SOX6: variants seen among roughly 807,000 people sequenced by gnomAD.
SOX6 encodes SRY-box transcription factor 6.
SOX6 carries 11 observed loss-of-function variants against 97.8 expected under a neutral mutation model. That is an observed-to-expected ratio of 0.11 (90% confidence interval 0.07 to 0.19). The LOEUF (loss-of-function observed/expected upper bound fraction) is 0.19, where lower values mean the gene tolerates loss of function less well. Among genes scored for constraint, SOX6 ranks in the 10% least tolerant of loss-of-function variants. The pLI is 1.00. For synonymous variants in SOX6, 360 were observed against 371.4 expected (o/e 0.97, Z 0.35); for missense variants, 810 against 1,039.5 (o/e 0.78, Z 3.04).
At chr11:16,597,594 C>T (rs1848226873) in intron 4 of SOX6, among the ~76,000 whole-genome samples, 1 of 151,772 alleles carries the variant, frequency 6.6e-6, no homozygotes, top group African/African-American at 2.4e-5. Flanking sequence ...AGAATGTTTG[C>T]TTTCATTTTT....
chr11:16,103,667 A>G (rs1048359733), intron 7 of SOX6, among the ~76,000 whole-genome samples: 8 of 151,942 alleles, frequency 5.3e-5, no homozygotes, highest in Admixed American at 1.3e-4. Context: ...GTATATATAT[A>G]TATACACCAT....
chr11:16,463,807 T>G (rs1007808227), intron 1 of SOX6, among the ~76,000 whole-genome samples: 1 of 152,210 alleles, frequency 6.6e-6, no homozygotes, highest in Non-Finnish European at 1.5e-5. Flanking sequence ...CTTCAACCAA[T>G]CCACAACCTT....
intron 1 of SOX6, chr11:16,382,274 G>A (rs1590174114): frequency 1.3e-5 from 2 of 151,938 alleles, no homozygotes; most frequent in African/African-American, 4.8e-5. Context: ...CAGCCTAAAT[G>A]TTTAATCAAA....
chr11:16,492,375 A>G (rs1053745693), intron 4 of SOX6, among the ~76,000 whole-genome samples: 1 of 152,212 alleles, frequency 6.6e-6, no homozygotes, highest in African/African-American at 2.4e-5. Flanking sequence ...ATCACTGAAC[A>G]TTCTGCCACC....
At chr11:16,608,476 G>A (rs751906966) in intron 4 of SOX6, among the ~76,000 whole-genome samples, 6 of 151,812 alleles carry the variant, frequency 4.0e-5, no homozygotes, top group Non-Finnish European at 8.8e-5. Flanking sequence ...ACGAAAAAAA[G>A]AAGTAGTCAA....
intron 3 of SOX6, among the ~76,000 whole-genome samples, chr11:16,285,093 C>G (rs1023379159): frequency 1.1e-4 from 17 of 151,850 alleles, no homozygotes; most frequent in Admixed American, 8.5e-4. Context: ...CCTAACTGGA[C>G]AACAGATGAA....
rs74374846 is a variant in SOX6 at position 16,127,429 on chromosome 11, A to T, written c.778-15506T>A. Among the ~76,000 whole-genome samples the T allele has an allele frequency of 2.8e-4, 43 of 152,228 alleles. No individual in the cohort carries two copies. In the East Asian group the frequency reaches 5.8e-3, roughly 21 times the overall value. On this transcript the variant is annotated intron_variant, in intron 6 of 15. Coordinates refer to ENST00000683767, the MANE Select transcript of SOX6 (RefSeq NM_001367873.1). ...TAAAGTCTTTACCTACATCTATTAA[A>T]TTCTAAAAATTATGCTCAAATATAA...
intron 3 of SOX6, among the ~76,000 whole-genome samples, chr11:16,275,035 A>G (rs1362073098): frequency 3.3e-5 from 5 of 152,184 alleles, no homozygotes; most frequent in Non-Finnish European, 7.3e-5. Context: ...TGAAAAGTCT[A>G]GAATCTAAGT....
chr11:16,000,395 G>A (rs1438899565), intron 13 of SOX6, among the ~76,000 whole-genome samples: 1 of 152,172 alleles, frequency 6.6e-6, no homozygotes, highest in Non-Finnish European at 1.5e-5. Flanking sequence ...TATTAGCAAA[G>A]AGTGATCTAG....
intron 2 of SOX6, among the ~76,000 whole-genome samples, chr11:16,726,283 C>T (rs1017508611): frequency 6.6e-6 from 1 of 152,170 alleles, no homozygotes; most frequent in African/African-American, 2.4e-5. Flanking sequence ...GTGGTGCACG[C>T]CTGTAATCCC....
chr11:16,244,789 T>C lies in SOX6; in HGVS notation c.446-10118A>G, dbSNP rs146071878. On this transcript the variant is annotated intron_variant, in intron 3 of 15. Coordinates refer to ENST00000683767, the MANE Select transcript of SOX6 (RefSeq NM_001367873.1). ...GTGTTTGTGTGTGTGTTTGTAGATC[T>C]ATTTCTTAATTCTTTTCTGTTCTAT... 7.3e-5 allele frequency among the ~76,000 whole-genome samples: 11 copies of C among 151,600 alleles called. No homozygotes were observed. The East Asian group carries it at 2.1e-3, about 29-fold the overall frequency.
chr11:16,050,459 G>A (rs1191204276), intron 10 of SOX6, among the ~76,000 whole-genome samples: 2 of 152,140 alleles, frequency 1.3e-5, no homozygotes, highest in African/African-American at 4.8e-5. Flanking sequence ...GCCACAGCAT[G>A]GCTTCTATGT....
intron 3 of SOX6, among the ~76,000 whole-genome samples, chr11:16,278,406 G>C (rs1337024408): frequency 1.3e-5 from 2 of 151,994 alleles, no homozygotes; most frequent in Non-Finnish European, 2.9e-5. Flanking sequence ...ATGACCTATG[G>C]TACAAACATA....
At chr11:16,314,574 G>C (rs1170952048) in intron 3 of SOX6, 10 of 152,110 alleles carry the variant, frequency 6.6e-5, no homozygotes. Flanking sequence ...ATCTAGCATA[G>C]GGATTCTTAA....
chr11:16,373,865 AAG>A (rs1857567992), intron 1 of SOX6, among the ~76,000 whole-genome samples: 1 of 51,780 alleles, frequency 1.9e-5, no homozygotes, highest in Non-Finnish European at 3.9e-5. Flanking sequence ...GGAAGGAAGG[AAG>A]GAAGGAAGGA....
At chr11:16,587,567 T>C (rs1418951181) in intron 4 of SOX6, among the ~76,000 whole-genome samples, 1 of 152,186 alleles carries the variant, frequency 6.6e-6, no homozygotes, top group African/African-American at 2.4e-5. Context: ...ATCCAGTTCA[T>C]TAACCAATAT....
upstream of SOX6, among the ~76,000 whole-genome samples, chr11:16,360,233 T>C (rs776905981): frequency 4.6e-5 from 7 of 152,272 alleles, no homozygotes; most frequent in Non-Finnish European, 8.8e-5. Context: ...TCACCAGAGT[T>C]TGGGTGGTGA....
At chr11:16,502,025 C>A (rs371171672) in intron 4 of SOX6, among the ~76,000 whole-genome samples, 1 of 151,838 alleles carries the variant, frequency 6.6e-6, no homozygotes, top group African/African-American at 2.4e-5. Context: ...ATGTTTATTG[C>A]GGCACTATTC....
At chr11:16,566,470 T>A (rs554961420) in intron 4 of SOX6, among the ~76,000 whole-genome samples, 2 of 152,316 alleles carry the variant, frequency 1.3e-5, no homozygotes, top group African/African-American at 4.8e-5. Flanking sequence ...CCAAGAGGTA[T>A]CTCTGGTAAA....
Sources: allele counts gnomAD v4.1 joint callset (sites outside exome capture counted in the v4.1 genomes callset), GRCh38; gene constraint gnomAD v4.1.1; transcripts MANE v1.5; gene names NCBI Gene and HGNC (gene_info 2026-07-23, HGNC 2026-07-21).